The following FARS2 variants were observed in gnomAD, a reference collection of about 807,000 sequenced individuals.
FARS2 encodes the protein phenylalanine--tRNA ligase, mitochondrial.
Under a neutral mutation model 46.4 loss-of-function variants are expected in FARS2, and 40 were observed. That is an observed-to-expected ratio of 0.86 (90% CI 0.67 to 1.12). The LOEUF is 1.12. Ranked by LOEUF, FARS2 falls within the 50% of genes most tolerant of loss-of-function variation. FARS2 has a pLI of 0.00. For missense variants in FARS2, 513 were observed against 567.9 expected, an observed-to-expected ratio of 0.90 and a Z score of 0.98; for synonymous variants, 234 against 214.9, an observed-to-expected ratio of 1.09 and a Z score of -0.78.
At chr6:5,580,416 G>A (rs1008131745) in intron 5 of FARS2, among the ~76,000 whole-genome samples, 3 of 152,000 alleles carry the variant, frequency 2.0e-5, no homozygotes, top group African/African-American at 7.3e-5. Flanking sequence ...TTGAAGAAAT[G>A]GAGGCGCTCT....
intron 1 of FARS2, among the ~76,000 whole-genome samples, chr6:5,341,235 A>T (rs896185566): frequency 0.5 from 4,985 of 10,022 alleles, 955 homozygotes; most frequent in Middle Eastern, 1. Flanking sequence ...ATATATATAT[A>T]TTTTTTTTTT....
At chr6:5,552,261 G>C (rs1369109662) in intron 5 of FARS2, among the ~76,000 whole-genome samples, 1 of 152,180 alleles carries the variant, frequency 6.6e-6, no homozygotes, top group Non-Finnish European at 1.5e-5. Flanking sequence ...GACCTGCCTT[G>C]AGAAAAATAC....
chr6:5,347,334 C>T (rs1442745533), intron 1 of FARS2, among the ~76,000 whole-genome samples: 1 of 152,194 alleles, frequency 6.6e-6, no homozygotes, highest in East Asian at 1.9e-4. Flanking sequence ...TCTTCATTCA[C>T]ACCATCTAGA....
intron 6 of FARS2, among the ~76,000 whole-genome samples, chr6:5,698,993 G>T (rs1297327595): frequency 1.3e-5 from 2 of 152,224 alleles, no homozygotes; most frequent in Non-Finnish European, 2.9e-5. Context: ...TCCCCCATGT[G>T]CCTGGAAGCA....
intron 6 of FARS2, among the ~76,000 whole-genome samples, chr6:5,674,019 C>T (rs1425751949): frequency 1.3e-5 from 2 of 151,692 alleles, no homozygotes; most frequent in Non-Finnish European, 2.9e-5. Context: ...ATTCTTTCAG[C>T]CCAACCAAAT....
At chr6:5,553,509 T>A (rs1002816566) in intron 5 of FARS2, among the ~76,000 whole-genome samples, 1 of 152,184 alleles carries the variant, frequency 6.6e-6, no homozygotes, top group Admixed American at 6.5e-5. Context: ...TGTATGTGGC[T>A]CAATCAGGGC....
chr6:5,399,233 G>A (rs1294169718), intron 2 of FARS2, among the ~76,000 whole-genome samples: 1 of 150,020 alleles, frequency 6.7e-6, no homozygotes, highest in Non-Finnish European at 1.5e-5. Context: ...AGAGTACAGT[G>A]GCATGATGTA....
intron 6 of FARS2, among the ~76,000 whole-genome samples, chr6:5,750,706 G>A (rs982016610): frequency 6.6e-6 from 1 of 152,148 alleles, no homozygotes; most frequent in Non-Finnish European, 1.5e-5. Flanking sequence ...CAGGATTGGT[G>A]TGAATGCAGG....
intron 6 of FARS2, among the ~76,000 whole-genome samples, chr6:5,649,184 G>A (rs551796814): frequency 1.0e-3 from 154 of 152,196 alleles, no homozygotes; most frequent in African/African-American, 3.6e-3. Context: ...GATGTGAAAA[G>A]GTATATAGTT....
At chr6:5,520,884 T>G (rs1490396809) in intron 4 of FARS2, among the ~76,000 whole-genome samples, 1 of 152,224 alleles carries the variant, frequency 6.6e-6, no homozygotes, top group East Asian at 1.9e-4. Context: ...CAGAATATTT[T>G]TAATGTCCTG....
At chr6:5,706,606 G>C (rs544148131) in intron 6 of FARS2, among the ~76,000 whole-genome samples, 1 of 152,158 alleles carries the variant, frequency 6.6e-6, no homozygotes, top group African/African-American at 2.4e-5. Flanking sequence ...ATCGACTGTT[G>C]GGTTTCCTAC....
At chr6:5,335,070 A>G (rs907379528) in intron 1 of FARS2, among the ~76,000 whole-genome samples, 1 of 152,234 alleles carries the variant, frequency 6.6e-6, no homozygotes, top group African/African-American at 2.4e-5. Context: ...TTTGGCTTCT[A>G]AGGTGTGTCA....
chr6:5,573,299 T>G (rs1385071777), intron 5 of FARS2, among the ~76,000 whole-genome samples: 1 of 152,306 alleles, frequency 6.6e-6, no homozygotes, highest in East Asian at 1.9e-4. Flanking sequence ...ATTTCTCTCA[T>G]TGAAAACAAT....
rs75692099 is a variant in FARS2 at position 5,517,961 on chromosome 6, G to A, written c.905-27219G>A. Among the ~76,000 whole-genome samples the A allele has an allele frequency of 2.9e-3, 436 of 152,302 alleles. 2 individuals are homozygous for A. The highest frequency in any genetic ancestry group is 0.023 in the Admixed American group (350 of 15,300). On this transcript the variant is annotated intron_variant, in intron 4 of 6. Transcript: ENST00000274680. ...ACAGGAAGATGTGGTAGGAGTTGAC[G>A]GTTCAGAGAGTGGCAGAAATTAGGG...
chr6:5,482,857 A>G (rs1408283256), intron 4 of FARS2, among the ~76,000 whole-genome samples: 2 of 152,188 alleles, frequency 1.3e-5, no homozygotes. Context: ...AAAATCGTGC[A>G]TGTTCTCATT....
intron 5 of FARS2, among the ~76,000 whole-genome samples, chr6:5,587,565 A>G (rs1773685937): frequency 6.6e-6 from 1 of 152,188 alleles, no homozygotes; most frequent in African/African-American, 2.4e-5. Context: ...TTTCTGGCAA[A>G]GTTTTCATGA....
At chr6:5,415,660 A>T (rs958062911) in intron 3 of FARS2, among the ~76,000 whole-genome samples, 1 of 151,786 alleles carries the variant, frequency 6.6e-6, no homozygotes, top group Non-Finnish European at 1.5e-5. Flanking sequence ...AATATTATGT[A>T]CTTATTTGCA....
intron 4 of FARS2, among the ~76,000 whole-genome samples, chr6:5,500,703 G>A (rs188119564): frequency 6.6e-6 from 1 of 152,178 alleles, no homozygotes; most frequent in East Asian, 1.9e-4. Context: ...TGCTTTGGTT[G>A]TAAGCTGTAG....
At chr6:5,378,646 G>A (rs1449333076) in intron 2 of FARS2, among the ~76,000 whole-genome samples, 3 of 152,190 alleles carry the variant, frequency 2.0e-5, no homozygotes, top group African/African-American at 7.2e-5. Context: ...TTCCTTAATA[G>A]CCTCATGTGG....
Sources: allele counts gnomAD v4.1 joint callset (sites outside exome capture counted in the v4.1 genomes callset), GRCh38; gene constraint gnomAD v4.1.1; transcripts MANE v1.5; gene names NCBI Gene and HGNC (gene_info 2026-07-23, HGNC 2026-07-21).